ZNF718: variants seen among roughly 807,000 people sequenced by gnomAD.
The protein encoded by ZNF718 is zinc finger protein 718.
ZNF718 carries 3 observed loss-of-function variants against 2.6 expected under a neutral mutation model. The observed-to-expected ratio is 1.16, with a 90% CI of 0.53 to 3.01. The LOEUF is 3.01. Among genes scored for constraint, ZNF718 ranks in the 30% most tolerant of loss-of-function variants. ZNF718 has a pLI of 0.03. For synonymous variants in ZNF718, 135 were observed against 77.9 expected, an observed-to-expected ratio of 1.73 and a Z score of -3.86; for missense variants, 468 against 230.0, an observed-to-expected ratio of 2.03 and a Z score of -6.69.
intron 3 of ZNF718, among the ~76,000 whole-genome samples, chr4:175,467 G>A (rs1394389537): frequency 6.6e-6 from 1 of 152,158 alleles, no homozygotes; most frequent in Non-Finnish European, 1.5e-5. Context: ...TGAATGAGAG[G>A]ATAAGTAATG....
At chr4:156,043 A>G (rs909714773) in intron 3 of ZNF718, among the ~76,000 whole-genome samples, 5 of 152,148 alleles carry the variant, frequency 3.3e-5, no homozygotes, top group African/African-American at 4.8e-5. Flanking sequence ...GTCTACCACC[A>G]TGTAAGATGT....
chr4:162,863 T>C lies in ZNF718; in HGVS notation c.*741T>C, dbSNP rs1414268602. 2 of 152,190 alleles carry C rather than the reference T, an allele frequency of 1.3e-5. No individual in the cohort carries two copies. Among genetic ancestry groups the C allele is most frequent in the African/African-American group, 4.8e-5 (2 of 41,466 alleles). 9.4% of individuals were successfully genotyped at this position (152,190 alleles called of 1,614,324 possible). ...TGAAAAGATAGTCTGAAATTAAGAC[T>C]AAATGTCAGAATATTTACAGTAGAA... On this transcript the variant is annotated 3_prime_UTR_variant, in exon 4 of 4. Coordinates refer to ENST00000510175, the MANE Select transcript of ZNF718 (RefSeq NM_001039127.6).
At chr4:138,284 C>G (rs2108784816) in intron 3 of ZNF718, among the ~76,000 whole-genome samples, 1 of 152,290 alleles carries the variant, frequency 6.6e-6, no homozygotes, top group East Asian at 1.9e-4. Context: ...CCCCCAGTCC[C>G]CTGCTACACT....
intron 3 of ZNF718, among the ~76,000 whole-genome samples, chr4:133,187 AAAAAAAAAATATATATATAT>A (rs1251069165): frequency 4.3e-5 from 1 of 23,296 alleles, no homozygotes; most frequent in African/African-American, 1.9e-4. Flanking sequence ...TAAAAAAAAA[AAAAAAAAAATATATATATAT>A]ATATATATAT....
At position 132,688 on chromosome 4, in the gene ZNF718, T is replaced by G. The variant is rs1715376598; in HGVS notation, c.226+1183T>G. On this transcript the variant is annotated intron_variant, in intron 3 of 3. Transcript: ENST00000510175. ...CAAAAATTCTTACTCAGCAATTTTATCAGAACAATAAGTGTTTTCCTAAAT... is the reference window on the plus strand; with the variant it reads ...CAAAAATTCTTACTCAGCAATTTTAGCAGAACAATAAGTGTTTTCCTAAAT... Among the ~76,000 whole-genome samples, 16 of 104,658 alleles carry G rather than the reference T, an allele frequency of 1.5e-4. 4 individuals are homozygous for G. 68.7% of individuals were successfully genotyped at this position (104,658 alleles called of 152,430 possible).
chr4:139,399 G>A (rs1553809939), intron 3 of ZNF718, among the ~76,000 whole-genome samples: 2 of 152,144 alleles, frequency 1.3e-5, no homozygotes, highest in Non-Finnish European at 2.9e-5. Context: ...ATTGAGGCAG[G>A]AAAATAGAGT....
chr4:189,145 C>G (rs1717640444), intron 3 of ZNF718, among the ~76,000 whole-genome samples: 1 of 149,104 alleles, frequency 6.7e-6, no homozygotes, highest in Admixed American at 6.8e-5. Flanking sequence ...ACTGCAACCT[C>G]TGCCTCCTGG....
chr4:187,349 C>T (rs1201933447), intron 3 of ZNF718, among the ~76,000 whole-genome samples: 2 of 152,172 alleles, frequency 1.3e-5, no homozygotes, highest in Admixed American at 1.3e-4. Context: ...GCCTCAGCCT[C>T]CCGAGTAGCT....
At chr4:195,836 G>C (rs1435710712) in intron 3 of ZNF718, among the ~76,000 whole-genome samples, 1 of 152,130 alleles carries the variant, frequency 6.6e-6, no homozygotes, top group Non-Finnish European at 1.5e-5. Context: ...GAGGGTTATA[G>C]GGTCACGGAG....
At chr4:193,871 C>A (rs1429320820) in intron 3 of ZNF718, among the ~76,000 whole-genome samples, 1 of 152,188 alleles carries the variant, frequency 6.6e-6, no homozygotes, top group Admixed American at 6.5e-5. Context: ...GTGGGCCTTA[C>A]AGTGATTCCC....
chr4:188,824 C>A (rs1026175325), intron 3 of ZNF718, among the ~76,000 whole-genome samples: 14 of 152,274 alleles, frequency 9.2e-5, no homozygotes, highest in African/African-American at 3.4e-4. Flanking sequence ...TTTGTTGGCT[C>A]TGTGTCACTC....
chr4:141,365 T>G (rs557333347), intron 3 of ZNF718, among the ~76,000 whole-genome samples: 2 of 152,350 alleles, frequency 1.3e-5, no homozygotes, highest in South Asian at 2.1e-4. Flanking sequence ...TTTGGCTAAT[T>G]AAACATTTTC....
chr4:125,540 C>T (rs559249248), intron 1 of ZNF718, among the ~76,000 whole-genome samples: 41 of 152,320 alleles, frequency 2.7e-4, no homozygotes, highest in African/African-American at 9.4e-4. Context: ...CGCAAGTTTT[C>T]TGTCAGAAGA....
intron 3 of ZNF718, among the ~76,000 whole-genome samples, 196 bp from the exon 4 acceptor site, chr4:160,716 A>T (rs767968417): frequency 4.6e-5 from 7 of 151,546 alleles, no homozygotes; most frequent in Admixed American, 6.6e-5. Context: ...TTCCCAGCAC[A>T]TTTTTTTTGT....
At chr4:137,433 A>G (rs187973191) in intron 3 of ZNF718, among the ~76,000 whole-genome samples, 5 of 152,182 alleles carry the variant, frequency 3.3e-5, no homozygotes, top group South Asian at 2.1e-4. Flanking sequence ...AGGAACCCCT[A>G]TACATTTTTT....
intron 3 of ZNF718, among the ~76,000 whole-genome samples, chr4:193,559 A>G (rs1717735358): frequency 1.3e-5 from 2 of 152,292 alleles, no homozygotes; most frequent in South Asian, 4.1e-4. Flanking sequence ...GGCATGTGAA[A>G]AGAGTAAAGT....
At chr4:133,484 T>A (rs1030093476) in intron 3 of ZNF718, among the ~76,000 whole-genome samples, 3 of 152,120 alleles carry the variant, frequency 2.0e-5, no homozygotes, top group African/African-American at 7.2e-5. Context: ...TTTTGTCTTA[T>A]TTAGTAGGAA....
chr4:133,621 A>G (rs1715428927), intron 3 of ZNF718, among the ~76,000 whole-genome samples: 1 of 152,194 alleles, frequency 6.6e-6, no homozygotes, highest in Non-Finnish European at 1.5e-5. Flanking sequence ...AGGTTCTTGG[A>G]AACAGTAAGT....
intron 3 of ZNF718, among the ~76,000 whole-genome samples, chr4:173,388 T>C (rs1717279305): frequency 6.6e-6 from 1 of 152,220 alleles, no homozygotes; most frequent in South Asian, 2.1e-4. Context: ...TTTGCTGAAA[T>C]ACTACTACCT....
Sources: gnomAD v4.1 joint callset for allele counts (sites outside exome capture counted in the v4.1 genomes callset) on GRCh38, gnomAD v4.1.1 for gene constraint, MANE v1.5 for transcripts, NCBI Gene and HGNC (gene_info 2026-07-23, HGNC 2026-07-21) for gene names.